The following EHHADH variants were observed in gnomAD, a reference collection of about 807,000 sequenced individuals.
The protein encoded by EHHADH is enoyl-CoA hydratase and 3-hydroxyacyl CoA dehydrogenase.
In EHHADH, 48 loss-of-function variants were observed where a neutral mutation model predicts 64.4. The ratio of observed to expected loss-of-function variants is 0.75; its 90% CI spans 0.59 to 0.95. The LOEUF (loss-of-function observed/expected upper bound fraction) is 0.95, where lower values mean the gene tolerates loss of function less well. Ranked by LOEUF, EHHADH falls within the 40% of genes least tolerant of loss-of-function variation. The pLI is 0.00. For synonymous variants in EHHADH, 308 were observed against 326.7 expected (o/e 0.94, Z 0.62); for missense variants, 854 against 876.6 (o/e 0.97, Z 0.33).
rs746691942 is a variant in EHHADH at position 185,235,274 on chromosome 3, G to C, written c.351+16C>G. The C allele has an allele frequency of 1.3e-6, 2 of 1,599,736 alleles. No individual in the cohort carries two copies. The highest frequency in any genetic ancestry group is 4.5e-5 in the East Asian group (2 of 44,446). The stretch of plus-strand genomic sequence containing the variant: ...AGCCCCACACACCAGCCACTATATA[G>C]AGCCTTGGTTGTTACCTCTGCGTGG... On this transcript the variant is annotated intron_variant, in intron 3 of 6. Coordinates refer to ENST00000231887, the MANE Select transcript of EHHADH (RefSeq NM_001966.4).
chr3:185,235,576 A>C (rs777122494), intron 2 of EHHADH, 114 bp from the exon 3 acceptor site: 2 of 954,122 alleles, frequency 2.1e-6, no homozygotes, highest in African/African-American at 3.4e-5. Flanking sequence ...TTATTTCTTA[A>C]TTTTTTTTAG....
chr3:185,239,029 T>G (rs1223103270), intron 2 of EHHADH, among the ~76,000 whole-genome samples: 3 of 152,144 alleles, frequency 2.0e-5, no homozygotes, highest in African/African-American at 4.8e-5. Context: ...CCAGCACCAT[T>G]TATTGAACAG....
At chr3:185,239,354 A>T (rs1260989745) in intron 2 of EHHADH, among the ~76,000 whole-genome samples, 1 of 152,096 alleles carries the variant, frequency 6.6e-6, no homozygotes, top group Non-Finnish European at 1.5e-5. Flanking sequence ...ATTGCATTGA[A>T]TCTGTATATT....
chr3:185,226,948 T>A (rs1432652122), intron 4 of EHHADH: 1 of 152,234 alleles, frequency 6.6e-6, no homozygotes, highest in Non-Finnish European at 1.5e-5. Flanking sequence ...ACAATCTCCA[T>A]GAAGGCAGAA....
intron 2 of EHHADH, among the ~76,000 whole-genome samples, chr3:185,241,120 C>T (rs1719438816): frequency 6.6e-6 from 1 of 152,170 alleles, no homozygotes; most frequent in African/African-American, 2.4e-5. Flanking sequence ...ATCCAGATTG[C>T]TGCGAATGCT....
chr3:185,206,914 A>C (rs77716386), intron 5 of EHHADH, among the ~76,000 whole-genome samples: 8,098 of 148,188 alleles, frequency 0.055, 281 homozygotes, highest in Admixed American at 0.076. Flanking sequence ...CACCCCCCCC[A>C]CCAAATGTTC....
At chr3:185,224,471 A>G (rs1718919248) in intron 4 of EHHADH, among the ~76,000 whole-genome samples, 1 of 146,006 alleles carries the variant, frequency 6.8e-6, no homozygotes, top group Non-Finnish European at 1.5e-5. Context: ...ACTGTACTCC[A>G]GTCTGGGAGA....
intron 2 of EHHADH, chr3:185,246,415 A>G: frequency 1.8e-6 from 1 of 557,548 alleles, no homozygotes; most frequent in South Asian, 2.3e-5. Flanking sequence ...TCACAGTAGG[A>G]TCAAAAATCA....
chr3:185,222,565 A>G, intron 4 of EHHADH, among the ~76,000 whole-genome samples: 1 of 152,228 alleles, frequency 6.6e-6, no homozygotes, highest in East Asian at 1.9e-4. Context: ...AAATTTATTT[A>G]CTGTCTGATT....
chr3:185,217,293 T>C (rs1718705941), intron 5 of EHHADH, among the ~76,000 whole-genome samples: 1 of 152,060 alleles, frequency 6.6e-6, no homozygotes, highest in Admixed American at 6.5e-5. Context: ...ATGCCTGTAA[T>C]CCCAGCACTT....
At chr3:185,217,860 GTTCACGCCATTCTCCTGCCTC>G (rs1718730622) in intron 5 of EHHADH, among the ~76,000 whole-genome samples, 1 of 151,398 alleles carries the variant, frequency 6.6e-6, no homozygotes, top group Non-Finnish European at 1.5e-5. Flanking sequence ...CGCCTCCCGG[GTTCACGCCATTCTCCTGCCTC>G]AGCCTCCCGA....
chr3:185,252,127 GCACGTGGCTCATGC>G (rs1719764391), intron 1 of EHHADH, among the ~76,000 whole-genome samples: 1 of 152,154 alleles, frequency 6.6e-6, no homozygotes, highest in Non-Finnish European at 1.5e-5. Context: ...CAGAGGCTGG[GCACGTGGCTCATGC>G]CTGTAATCCC....
At chr3:185,198,581 G>A (rs1020125543) in intron 6 of EHHADH, among the ~76,000 whole-genome samples, 1 of 151,430 alleles carries the variant, frequency 6.6e-6, no homozygotes, top group Non-Finnish European at 1.5e-5. Context: ...AGGCACAGTG[G>A]CTCATGCCTG....
intron 6 of EHHADH, among the ~76,000 whole-genome samples, chr3:185,198,371 A>G (rs112526926): frequency 0.11 from 16,277 of 151,484 alleles, 1,915 homozygotes; most frequent in African/African-American, 0.29. Flanking sequence ...GGCACCTGCC[A>G]CCATGCCTGG....
Position 185,192,706 on chromosome 3 carries a change from C to A in EHHADH, c.1692G>T (p.Val564=), listed in dbSNP as rs774614555. 7 of 1,614,030 alleles carry A rather than the reference C, an allele frequency of 4.3e-6. No homozygotes were observed. Among genetic ancestry groups the A allele is most frequent in the Non-Finnish European group, 5.9e-6 (7 of 1,180,038 alleles). ...GNRRYCPIPD[V]LCELGRFGQK... is the part of the protein sequence containing the mutation. Reference sequence around the variant, plus strand: ...GGCCAAATCGTCCTAATTCACAGAGCACATCAGGAATTGGGCAGTACCTCC... The same window carrying A: ...GGCCAAATCGTCCTAATTCACAGAGAACATCAGGAATTGGGCAGTACCTCC... Residue 564 remains valine (V), a synonymous_variant, in exon 7 of 7, where the codon GTG becomes GTT. Transcript: ENST00000231887.
At chr3:185,193,725 A>G (rs918811840) in intron 6 of EHHADH, among the ~76,000 whole-genome samples, 2 of 152,214 alleles carry the variant, frequency 1.3e-5, no homozygotes, top group Non-Finnish European at 2.9e-5. Flanking sequence ...AATGAGTCCA[A>G]CGAGATTGTA....
At chr3:185,218,350 T>C in intron 4 of EHHADH, 110 bp from the exon 5 acceptor site, 1 of 604,854 alleles carries the variant, frequency 1.7e-6, no homozygotes, top group South Asian at 2.7e-5. Context: ...TATAAATATC[T>C]ATTATTGAAT....
rs770705520 is a variant in EHHADH at position 185,235,422 on chromosome 3, G to A, written c.219C>T (p.Gly73=). ...IRGFSAPRTF[G]LTLGHVVDEI... is the part of the protein sequence containing the mutation. ...CATCTACTACATGTCCCAGTGTAAG[G>A]CCAAATGTCCTAGGAGCACTGAAGC... The change falls in exon 3 of 7, where the codon GGC becomes GGT. Residue 73 remains glycine (G), a synonymous_variant. Coordinates refer to ENST00000231887, the MANE Select transcript of EHHADH (RefSeq NM_001966.4). 2 of 1,613,454 alleles carry A rather than the reference G, an allele frequency of 1.2e-6. No homozygotes were observed. Among genetic ancestry groups the A allele is most frequent in the Non-Finnish European group, 8.5e-7 (1 of 1,179,814 alleles).
Position 185,218,056 on chromosome 3 carries a change from C to T in EHHADH, c.568+80G>A, listed in dbSNP as rs1329586508. On this transcript the variant is annotated intron_variant, in intron 5 of 6. Transcript: ENST00000231887. ...CTGGGATTACAGGCGTGAGCCACTG[C>T]GCCCGGCCAGGAGTTTCTTATTTAA... 4.2e-5 allele frequency: 44 copies of T among 1,051,782 alleles called. No homozygotes were observed. The South Asian group carries it at 6.6e-4, about 16-fold the overall frequency. 65.2% of individuals were successfully genotyped at this position (1,051,782 alleles called of 1,614,324 possible). A position where few individuals can be genotyped will look rare whatever the true frequency, so the allele number is the denominator to read the frequency against.
Sources: gnomAD v4.1 joint callset for allele counts (sites outside exome capture counted in the v4.1 genomes callset) on GRCh38, gnomAD v4.1.1 for gene constraint, MANE v1.5 for transcripts, NCBI Gene and HGNC (gene_info 2026-07-23, HGNC 2026-07-21) for gene names.